Variants in VPS53 observed in about 807,000 individuals in gnomAD.
VPS53 encodes vacuolar protein sorting-associated protein 53 homolog.
Under a neutral mutation model 107.0 loss-of-function variants are expected in VPS53, and 70 were observed. The observed-to-expected ratio is 0.65, with a 90% CI of 0.54 to 0.80. The LOEUF is 0.80. VPS53 is among the 30% of genes least tolerant of loss of function. The probability of loss-of-function intolerance (pLI) is 0.00; values close to 1 mark genes in which losing one functional copy is unlikely to be tolerated. For synonymous variants in VPS53, 409 were observed against 393.3 expected, an observed-to-expected ratio of 1.04 and a Z score of -0.47; for missense variants, 917 against 1,049.4, an observed-to-expected ratio of 0.87 and a Z score of 1.74.
intron 4 of VPS53, 36 bp downstream of exon 4, chr17:697,382 G>A: frequency 6.3e-7 from 1 of 1,576,628 alleles, no homozygotes; most frequent in Non-Finnish European, 8.7e-7. Context: ...GAGAAACCAG[G>A]GGAGCATAGG....
intron 4 of VPS53, among the ~76,000 whole-genome samples, chr17:677,084 C>A (rs910390638): frequency 6.6e-6 from 1 of 152,130 alleles, no homozygotes; most frequent in Non-Finnish European, 1.5e-5. Flanking sequence ...TGTGACCCAG[C>A]AATTCCACTC....
At chr17:538,452 C>T (rs1002103530) in intron 17 of VPS53, 3 of 152,226 alleles carry the variant, frequency 2.0e-5, no homozygotes, top group Admixed American at 6.5e-5. Flanking sequence ...TTCTGAGGCC[C>T]TGATGTCTCT....
chr17:590,474 T>G (rs1967583657), intron 12 of VPS53, among the ~76,000 whole-genome samples: 1 of 151,728 alleles, frequency 6.6e-6, no homozygotes, highest in Non-Finnish European at 1.5e-5. Context: ...AAGGGAATGC[T>G]TCCAGTTTTT....
At chr17:594,925 C>A (rs1158366684) in intron 12 of VPS53, among the ~76,000 whole-genome samples, 1 of 52,274 alleles carries the variant, frequency 1.9e-5, no homozygotes, top group Non-Finnish European at 4.4e-5. Flanking sequence ...GGGAAGGGGT[C>A]TGGATCAATT....
intron 19 of VPS53, among the ~76,000 whole-genome samples, chr17:525,887 C>T (rs1909092717): frequency 6.7e-6 from 1 of 150,036 alleles, no homozygotes; most frequent in Non-Finnish European, 1.5e-5. Flanking sequence ...ATCCCAGCTA[C>T]TCGGGAGGCT....
chr17:687,571 T>C (rs528678648), intron 4 of VPS53, among the ~76,000 whole-genome samples: 5 of 142,514 alleles, frequency 3.5e-5, no homozygotes, highest in Non-Finnish European at 6.1e-5. Flanking sequence ...CAAGACTCAG[T>C]CTCAAAAAAA....
At chr17:680,360 A>G (rs1407593331) in intron 4 of VPS53, among the ~76,000 whole-genome samples, 2 of 152,200 alleles carry the variant, frequency 1.3e-5, no homozygotes, top group African/African-American at 4.8e-5. Context: ...CAAAAAGAAG[A>G]AAATGTCAAA....
intron 4 of VPS53, among the ~76,000 whole-genome samples, chr17:670,083 C>T (rs189064042): frequency 2.6e-5 from 4 of 152,286 alleles, no homozygotes; most frequent in African/African-American, 7.2e-5. Context: ...AAAGCAGTGA[C>T]TGTTGTGGCC....
At position 560,562 on chromosome 17, in the gene VPS53, C is replaced by T. The variant is rs373102110; in HGVS notation, c.1568G>A (p.Ser523Asn). ...LSGNLPKTTT[S>N]SGGLTISSLL... is the part of the protein sequence containing the mutation. The stretch of plus-strand genomic sequence containing the variant: ...GCTGCTGATAGTCAGTCCTCCACTG[C>T]TGGTTGTGGTTCTGAAGAAAAGGAA... The change falls in exon 15 of 22, where the codon AGC (serine) becomes AAC (asparagine). Residue 523 changes from serine (S) to asparagine (N), a missense_variant. Physicochemically the swap from Ser to Asn is conservative, Grantham distance 46 (BLOSUM62 1). Coordinates refer to ENST00000437048, the MANE Select transcript of VPS53 (RefSeq NM_001128159.3). 16 of 1,613,592 alleles carry T rather than the reference C, an allele frequency of 9.9e-6. No individual in the cohort carries two copies. The highest frequency in any genetic ancestry group is 1.4e-5 in the Non-Finnish European group (16 of 1,179,866).
At chr17:601,127 C>T (rs1360200111) in intron 12 of VPS53, 1 of 152,158 alleles carries the variant, frequency 6.6e-6, no homozygotes, top group Non-Finnish European at 1.5e-5. Context: ...CAAGTGTAGA[C>T]AATTAAAAAC....
chr17:589,776 G>A (rs1308003326), intron 12 of VPS53, among the ~76,000 whole-genome samples: 2 of 152,102 alleles, frequency 1.3e-5, no homozygotes, highest in Non-Finnish European at 2.9e-5. Context: ...TTTGGTTACT[G>A]TAGCCTTGTA....
chr17:656,823 T>C, intron 5 of VPS53: 1 of 1,580,516 alleles, frequency 6.3e-7, no homozygotes, highest in Non-Finnish European at 8.7e-7. Context: ...GCCGCCAGTC[T>C]CTTGTCTCTC....
chr17:605,161 T>C (rs546660642), intron 11 of VPS53, among the ~76,000 whole-genome samples: 1 of 152,114 alleles, frequency 6.6e-6, no homozygotes, highest in South Asian at 2.1e-4. Flanking sequence ...TCAACAATGA[T>C]GTACTGGGCA....
At chr17:636,026 T>C (rs1229330827) in intron 7 of VPS53, among the ~76,000 whole-genome samples, 4 of 152,238 alleles carry the variant, frequency 2.6e-5, no homozygotes, top group African/African-American at 4.8e-5. Flanking sequence ...TTCCTATCCA[T>C]GAGCATGGAA....
chr17:532,570 T>C (rs1909675715), intron 19 of VPS53: 1 of 687,218 alleles, frequency 1.5e-6, no homozygotes, highest in Non-Finnish European at 2.0e-6. Context: ...AGCCACTTCT[T>C]CTTATTGGAG....
chr17:547,382 A>G (rs1911305528), intron 17 of VPS53, among the ~76,000 whole-genome samples: 1 of 152,210 alleles, frequency 6.6e-6, no homozygotes, highest in Non-Finnish European at 1.5e-5. Context: ...CACCATGCAC[A>G]TGCCCTGAAA....
At chr17:707,587 G>A (rs148337909) in intron 2 of VPS53, among the ~76,000 whole-genome samples, 2,330 of 151,278 alleles carry the variant, frequency 0.015, 23 homozygotes, top group Middle Eastern at 0.028. Context: ...AGTGGCTCAT[G>A]CCTGTAATCC....
intron 7 of VPS53, among the ~76,000 whole-genome samples, chr17:645,213 T>C (rs938893366): frequency 6.6e-6 from 1 of 152,204 alleles, no homozygotes; most frequent in African/African-American, 2.4e-5. Context: ...AAAAAGCCTG[T>C]TGGAGAAATG....
chr17:573,286 T>C (rs1185784014), intron 13 of VPS53, among the ~76,000 whole-genome samples: 2 of 152,220 alleles, frequency 1.3e-5, no homozygotes, highest in Admixed American at 1.3e-4. Context: ...GAAGACAGAC[T>C]AACCTCCTCT....
Sources: allele counts gnomAD v4.1 joint callset (sites outside exome capture counted in the v4.1 genomes callset), GRCh38; gene constraint gnomAD v4.1.1; transcripts MANE v1.5; gene names NCBI Gene and HGNC (gene_info 2026-07-23, HGNC 2026-07-21).